THADA: variants seen among roughly 807,000 people sequenced by gnomAD.
The protein encoded by THADA is tRNA (32-2'-O)-methyltransferase regulator THADA.
In THADA, 213 loss-of-function variants were observed where a neutral mutation model predicts 219.8. The observed-to-expected ratio is 0.97, with a 90% CI of 0.87 to 1.09. The LOEUF is 1.09. Among genes scored for constraint, THADA ranks in the 50% least tolerant of loss-of-function variants. The probability of loss-of-function intolerance (pLI) is 0.00; values close to 1 mark genes in which losing one functional copy is unlikely to be tolerated. For synonymous variants in THADA, 1,018 were observed against 828.9 expected (o/e 1.23, Z -3.92); for missense variants, 2,956 against 2,311.3 (o/e 1.28, Z -5.72).
At chr2:43,261,331 C>T (rs947456975) in intron 36 of THADA, among the ~76,000 whole-genome samples, 26 of 144,746 alleles carry the variant, frequency 1.8e-4, no homozygotes, top group African/African-American at 6.7e-4. Flanking sequence ...TCAAGCAATT[C>T]TCCCACCTCA....
rs111298149 is a variant in THADA at position 43,364,957 on chromosome 2, C to CT, written c.4228-20721dup. Among the ~76,000 whole-genome samples the CT allele has an allele frequency of 7.7e-3, 1,048 of 135,888 alleles. 8 individuals are homozygous for CT. The highest frequency in any genetic ancestry group is 0.02 in the African/African-American group (760 of 37,278). The allele number at this position is 135,888 out of a possible 152,430, so 89.1% of individuals were successfully genotyped here. ...AAGTAGGGAATTAAGTTAATCTCAT[C>CT]TTTTTTTTTTTTTTTTTGAGACGGA... On this transcript the variant is annotated intron_variant, in intron 29 of 37. Transcript: ENST00000405975.
chr2:43,336,282 T>C (rs1666420966), intron 30 of THADA, among the ~76,000 whole-genome samples: 2 of 151,772 alleles, frequency 1.3e-5, no homozygotes, highest in African/African-American at 2.4e-5. Context: ...TTTTTTTTGT[T>C]TGTTTTTGAG....
intron 26 of THADA, chr2:43,430,579 T>G: frequency 2.1e-6 from 1 of 479,074 alleles, no homozygotes; most frequent in Non-Finnish European, 4.1e-6. Flanking sequence ...AAGAAATATG[T>G]AATCTGTGCC....
At chr2:43,311,879 G>A (rs1165876687) in intron 31 of THADA, among the ~76,000 whole-genome samples, 1 of 152,188 alleles carries the variant, frequency 6.6e-6, no homozygotes, top group Non-Finnish European at 1.5e-5. Flanking sequence ...GCTGGAGCTG[G>A]GAAAGGCAGG....
chr2:43,591,075 C>G, intron 3 of THADA, 121 bp from the exon 4 acceptor site: 3 of 879,138 alleles, frequency 3.4e-6, no homozygotes, highest in Non-Finnish European at 5.1e-6. Flanking sequence ...AATCCCAACA[C>G]TTTGGGAGGC....
chr2:43,233,341 A>G (rs1667658015), intron 36 of THADA: 1 of 158,982 alleles, frequency 6.3e-6, no homozygotes, highest in Non-Finnish European at 1.4e-5. Flanking sequence ...CCAGAGAGTC[A>G]ATATTTTAGA....
intron 36 of THADA, among the ~76,000 whole-genome samples, chr2:43,266,772 G>A (rs185568090): frequency 1.7e-3 from 254 of 152,228 alleles, no homozygotes; most frequent in African/African-American, 5.9e-3. Flanking sequence ...AAGGCTTTGT[G>A]GGAAAGGAGG....
chr2:43,489,170 A>C (rs1487067228), intron 25 of THADA, among the ~76,000 whole-genome samples: 1 of 151,874 alleles, frequency 6.6e-6, no homozygotes, highest in Non-Finnish European at 1.5e-5. Context: ...GTTAAGCTTT[A>C]TTTAAAAAAA....
intron 17 of THADA, 96 bp from the exon 18 acceptor site, chr2:43,552,435 A>C: frequency 7.7e-7 from 1 of 1,302,088 alleles, no homozygotes; most frequent in Non-Finnish European, 1.0e-6. Flanking sequence ...TGGCCAACTC[A>C]AATGAACTTT....
intron 30 of THADA, among the ~76,000 whole-genome samples, chr2:43,341,891 A>T (rs1410562464): frequency 6.6e-6 from 1 of 152,186 alleles, no homozygotes; most frequent in Non-Finnish European, 1.5e-5. Context: ...TTCATGGGTA[A>T]GCAACTCCTA....
At chr2:43,510,511 T>C (rs1008628929) in intron 22 of THADA, among the ~76,000 whole-genome samples, 5 of 152,156 alleles carry the variant, frequency 3.3e-5, no homozygotes, top group African/African-American at 1.2e-4. Flanking sequence ...TCTTGTGTTT[T>C]GTGAAATAAT....
intron 21 of THADA, among the ~76,000 whole-genome samples, chr2:43,531,745 C>T (rs1693901955): frequency 6.6e-6 from 1 of 152,174 alleles, no homozygotes; most frequent in Admixed American, 6.5e-5. Context: ...TTAGATACCA[C>T]TGAGTTTCTA....
intron 29 of THADA, among the ~76,000 whole-genome samples, chr2:43,358,678 C>T (rs1294993497): frequency 6.6e-6 from 1 of 152,208 alleles, no homozygotes; most frequent in Non-Finnish European, 1.5e-5. Context: ...GCACGTTACT[C>T]TGAGCTGCCC....
rs1310962488 is a variant in THADA at position 43,486,744 on chromosome 2, T to C, written c.3745-1419A>G. On this transcript the variant is annotated intron_variant, in intron 25 of 37. Transcript: ENST00000405975. ...GCTGAGTTGCTGCCATGAGGAAATA[T>C]AAGTCCAGTTTTGCCAGATCATCTG... 2.0e-5 allele frequency: 3 copies of C among 152,204 alleles called. No homozygotes were observed. The East Asian group carries it at 5.8e-4, about 29-fold the overall frequency. 9.4% of individuals were successfully genotyped at this position (152,204 alleles called of 1,614,324 possible). A position where few individuals can be genotyped will look rare whatever the true frequency, so the allele number is the denominator to read the frequency against.
At chr2:43,292,811 A>AGTCAGTACG (rs1217478885) in intron 32 of THADA, 23 bp downstream of exon 32, 4 of 1,601,406 alleles carry the variant, frequency 2.5e-6, no homozygotes, top group Non-Finnish European at 3.4e-6. Flanking sequence ...GTAAAGGGCC[A>AGTCAGTACG]GTCAGTACGT....
chr2:43,321,450 C>T (rs1313351635), intron 30 of THADA, among the ~76,000 whole-genome samples: 1 of 152,176 alleles, frequency 6.6e-6, no homozygotes, highest in Non-Finnish European at 1.5e-5. Context: ...TATTGTAACA[C>T]TGTTAAGAGG....
At chr2:43,343,433 G>A (rs1667277296) in intron 30 of THADA, 1 of 152,170 alleles carries the variant, frequency 6.6e-6, no homozygotes, top group African/African-American at 2.4e-5. Context: ...GGAACTTACA[G>A]AGGACCTACG....
At chr2:43,462,026 A>G (rs1007751006) in intron 26 of THADA, among the ~76,000 whole-genome samples, 1 of 152,184 alleles carries the variant, frequency 6.6e-6, no homozygotes, top group Non-Finnish European at 1.5e-5. Flanking sequence ...TTTACCAAAT[A>G]ATTTTACTCT....
At chr2:43,396,110 G>A (rs770953213) in intron 29 of THADA, among the ~76,000 whole-genome samples, 4 of 152,050 alleles carry the variant, frequency 2.6e-5, no homozygotes, top group East Asian at 3.9e-4. Flanking sequence ...TCTGGGAGCC[G>A]CAACCCCTTT....
Sources: gnomAD v4.1 joint callset for allele counts (sites outside exome capture counted in the v4.1 genomes callset) on GRCh38, gnomAD v4.1.1 for gene constraint, MANE v1.5 for transcripts, NCBI Gene and HGNC (gene_info 2026-07-23, HGNC 2026-07-21) for gene names.